WFDC13: variants seen among roughly 807,000 people sequenced by gnomAD.
The protein encoded by WFDC13 is WAP four-disulfide core domain 13.
Under a neutral mutation model 10.9 loss-of-function variants are expected in WFDC13, and 6 were observed. The observed-to-expected ratio is 0.55, with a 90% CI of 0.30 to 1.09. The LOEUF (loss-of-function observed/expected upper bound fraction) is 1.09, where lower values mean the gene tolerates loss of function less well. Among genes scored for constraint, WFDC13 ranks in the 50% least tolerant of loss-of-function variants. WFDC13 has a pLI of 0.06. For synonymous variants in WFDC13, 38 were observed against 39.5 expected, an observed-to-expected ratio of 0.96 and a Z score of 0.14; for missense variants, 104 against 109.6, an observed-to-expected ratio of 0.95 and a Z score of 0.23.
intron 2 of WFDC13, chr20:45,705,249 C>G (rs17436246): frequency 0.034 from 16,579 of 492,930 alleles, 443 homozygotes; most frequent in African/African-American, 0.079. Context: ...TTGTTTTTTC[C>G]TGCTTTGCAA....
chr20:45,703,566 A>T (rs994298507), intron 1 of WFDC13, among the ~76,000 whole-genome samples: 1 of 152,186 alleles, frequency 6.6e-6, no homozygotes, highest in Non-Finnish European at 1.5e-5. Context: ...ATCACAAGGT[A>T]CAAAAATTAG....
chr20:45,703,463 T>C (rs1383021674), intron 1 of WFDC13, among the ~76,000 whole-genome samples: 1 of 152,212 alleles, frequency 6.6e-6, no homozygotes, highest in Non-Finnish European at 1.5e-5. Flanking sequence ...GATTTCCTTC[T>C]AATTGCAAAT....
intron 1 of WFDC13, among the ~76,000 whole-genome samples, chr20:45,703,104 G>C (rs1448918895): frequency 6.6e-6 from 1 of 152,204 alleles, no homozygotes; most frequent in Non-Finnish European, 1.5e-5. Flanking sequence ...CTTTCTAAAA[G>C]ACTGGTAAAT....
rs1481581589 is a variant in WFDC13, at chr20:45,702,274, G to A, written c.88+63G>A. The stretch of plus-strand genomic sequence containing the variant: ...TGTGTGGATAGGAGAGGATCTGAGG[G>A]CTGACAGTCTGTCACACCTCTTGGA... On this transcript the variant is annotated intron_variant, in intron 1 of 3. Transcript: ENST00000305479. 2.0e-6 allele frequency: 3 copies of A among 1,503,112 alleles called. No homozygotes were observed. The African/African-American group carries it at 4.1e-5, about 21-fold the overall frequency. 93.1% of individuals were successfully genotyped at this position (1,503,112 alleles called of 1,614,324 possible).
At chr20:45,702,563 T>C (rs1984209537) in intron 1 of WFDC13, among the ~76,000 whole-genome samples, 1 of 152,220 alleles carries the variant, frequency 6.6e-6, no homozygotes, top group African/African-American at 2.4e-5. Context: ...GGCTCCTTCA[T>C]GGATGCTTGG....
chr20:45,707,387 T>C (rs1204539826), intron 3 of WFDC13, among the ~76,000 whole-genome samples: 2 of 152,214 alleles, frequency 1.3e-5, no homozygotes, highest in Non-Finnish European at 2.9e-5. Flanking sequence ...CTATCACTGT[T>C]TTAATAATCT....
At chr20:45,702,235 G>A (rs1244291816) in intron 1 of WFDC13, 24 bp downstream of exon 1, 1 of 1,602,184 alleles carries the variant, frequency 6.2e-7, no homozygotes, top group Non-Finnish European at 8.5e-7. Context: ...CTGGGCCCAA[G>A]GAGGGAAGTA....
At position 45,705,981 on chromosome 20, in the gene WFDC13, C is replaced by T. The variant is rs186469936; in HGVS notation, c.*22+54C>T. The T allele has an allele frequency of 9.5e-5, 143 of 1,497,778 alleles. No individual in the cohort carries two copies. In the African/African-American group the frequency reaches 1.8e-3, roughly 18 times the overall value. The allele number at this position is 1,497,778 out of a possible 1,614,324, so 92.8% of individuals were successfully genotyped here. ...CTCATGTGAGATTCCCAGGGATGCT[C>T]ACTTTCTTCCTGTAGCCTCACCAGG... On this transcript the variant is annotated intron_variant, in intron 3 of 3. Coordinates refer to ENST00000305479, the MANE Select transcript of WFDC13 (RefSeq NM_172005.2).
At position 45,708,767 on chromosome 20, in the gene WFDC13, T is replaced by C; in HGVS notation, c.*932T>C. 6.6e-6 allele frequency: 1 copy of C among 152,340 alleles called. No individual in the cohort carries two copies. Among genetic ancestry groups the C allele is most frequent in the South Asian group, 2.1e-4 (1 of 4,830 alleles). The allele number at this position is 152,340 out of a possible 1,614,324, so 9.4% of individuals were successfully genotyped here. ...TCGTAAGCTTTTGTTAAGTTTGTAATTTGTTGCAATTTCTTTTTCATTTCA... is the reference window on the plus strand; with the variant it reads ...TCGTAAGCTTTTGTTAAGTTTGTAACTTGTTGCAATTTCTTTTTCATTTCA... On this transcript the variant is annotated 3_prime_UTR_variant, in exon 4 of 4. Transcript: ENST00000305479.
In WFDC13 at chr20:45,705,073, C is replaced by T. The variant is rs565519110; in HGVS notation, c.239+479C>T. 2,808 of 1,356,866 alleles carry T rather than the reference C, an allele frequency of 2.1e-3. 10 individuals are homozygous for T. The highest frequency in any genetic ancestry group is 4.6e-3 in the Middle Eastern group (26 of 5,594). 84.1% of individuals were successfully genotyped at this position (1,356,866 alleles called of 1,614,324 possible). A position where few individuals can be genotyped will look rare whatever the true frequency, so the allele number is the denominator to read the frequency against. ...TAATTGTCCAGACATTAACACTAGC[C>T]GCAAGCCTGCTAAATGGAGTGTGCT... is the stretch of plus-strand genomic sequence containing the variant. On this transcript the variant is annotated intron_variant, in intron 2 of 3. Transcript: ENST00000305479.
intron 2 of WFDC13, chr20:45,704,955 C>T (rs751647034): frequency 6.2e-7 from 1 of 1,614,120 alleles, no homozygotes; most frequent in Non-Finnish European, 8.5e-7. Flanking sequence ...AAAATTTGTC[C>T]TACACTTTTG....
chr20:45,706,210 G>C (rs6017651), intron 3 of WFDC13, among the ~76,000 whole-genome samples: 2,932 of 152,286 alleles, frequency 0.019, 85 homozygotes, highest in African/African-American at 0.067. Flanking sequence ...CTTTGTCAAG[G>C]AACAAGCTCT....
intron 1 of WFDC13, 107 bp from the exon 2 acceptor site, chr20:45,704,337 G>A: frequency 1.4e-6 from 2 of 1,449,944 alleles, no homozygotes; most frequent in Non-Finnish European, 1.9e-6. Context: ...AACCATGCAA[G>A]GCAGATGAGG....
chr20:45,703,265 G>A (rs957457794), intron 1 of WFDC13, among the ~76,000 whole-genome samples: 30 of 152,234 alleles, frequency 2.0e-4, no homozygotes, highest in African/African-American at 7.0e-4. Flanking sequence ...CCAATTTCTT[G>A]CAGTGCCCCA....
rs983463029 is a variant in WFDC13 at position 45,706,036 on chromosome 20, C to A, written c.*22+109C>A. Reference sequence around the variant, plus strand: ...CTACATTCCCACAAGCTCAGAATGGCCTCTCATTACCTGATTGCCTCCTCC... The same window carrying A: ...CTACATTCCCACAAGCTCAGAATGGACTCTCATTACCTGATTGCCTCCTCC... On this transcript the variant is annotated intron_variant, in intron 3 of 3. Transcript: ENST00000305479. The A allele has an allele frequency of 1.5e-5, 13 of 871,056 alleles. No homozygotes were observed. The African/African-American group carries it at 2.0e-4, about 14-fold the overall frequency. 54.0% of individuals were successfully genotyped at this position (871,056 alleles called of 1,614,324 possible). A position where few individuals can be genotyped will look rare whatever the true frequency, so the allele number is the denominator to read the frequency against.
intron 1 of WFDC13, among the ~76,000 whole-genome samples, chr20:45,703,983 T>C (rs1449831018): frequency 6.6e-6 from 1 of 152,146 alleles, no homozygotes; most frequent in Non-Finnish European, 1.5e-5. Flanking sequence ...TACCTTTCAC[T>C]CATTCTTCCT....
intron 1 of WFDC13, among the ~76,000 whole-genome samples, chr20:45,703,344 G>A (rs979481899): frequency 1.3e-5 from 2 of 152,170 alleles, no homozygotes; most frequent in African/African-American, 4.8e-5. Flanking sequence ...ATTGTCAACA[G>A]CTTGAACCTC....
At chr20:45,703,046 G>A (rs537661174) in intron 1 of WFDC13, among the ~76,000 whole-genome samples, 4 of 152,316 alleles carry the variant, frequency 2.6e-5, no homozygotes, top group South Asian at 4.1e-4. Flanking sequence ...GGAGTGCCCA[G>A]GGTAGAGTTA....
At chr20:45,705,496 G>T (rs1984355585) in intron 2 of WFDC13, among the ~76,000 whole-genome samples, 1 of 152,222 alleles carries the variant, frequency 6.6e-6, no homozygotes, top group Non-Finnish European at 1.5e-5. Context: ...CTCTCTCTGG[G>T]CATCAACTTC....
Sources: gnomAD v4.1 joint callset for allele counts (sites outside exome capture counted in the v4.1 genomes callset) on GRCh38, gnomAD v4.1.1 for gene constraint, MANE v1.5 for transcripts, NCBI Gene and HGNC (gene_info 2026-07-23, HGNC 2026-07-21) for gene names.